Variants in SUCLG2 observed in about 807,000 individuals in gnomAD.
SUCLG2 encodes the protein succinate-CoA ligase GDP-forming subunit beta.
SUCLG2 carries 42 observed loss-of-function variants against 47.9 expected under a neutral mutation model. The ratio of observed to expected loss-of-function variants is 0.88; its 90% CI spans 0.69 to 1.14. The LOEUF is 1.14. SUCLG2 is among the 50% of genes most tolerant of loss of function. The probability of loss-of-function intolerance (pLI) is 0.00; values close to 1 mark genes in which losing one functional copy is unlikely to be tolerated. For synonymous variants in SUCLG2, 195 were observed against 197.3 expected (o/e 0.99, Z 0.10); for missense variants, 571 against 525.9 (o/e 1.09, Z -0.84).
chr3:67,593,422 C>T (rs1708220223), intron 2 of SUCLG2, among the ~76,000 whole-genome samples: 1 of 151,908 alleles, frequency 6.6e-6, no homozygotes, highest in Admixed American at 6.6e-5. Context: ...GTATATCCAG[C>T]AAATAGCATA....
At chr3:67,419,059 G>A (rs1175334104) in intron 9 of SUCLG2, among the ~76,000 whole-genome samples, 2 of 151,996 alleles carry the variant, frequency 1.3e-5, no homozygotes, top group Non-Finnish European at 2.9e-5. Flanking sequence ...CTTCCAGGTT[G>A]CTTGCTTCCT....
Position 67,512,564 on chromosome 3 carries a change from C to CATATAT in SUCLG2, c.661-3662_661-3661insATATAT, listed in dbSNP as rs145314149. On this transcript the variant is annotated intron_variant, in intron 6 of 10. Transcript: ENST00000307227. ...ACATAATAGAAATAACTTCTGGGTACACATATATATATATATGTATAATCT... is the reference window on the plus strand; with the variant it reads ...ACATAATAGAAATAACTTCTGGGTACATATATACATATATATATATATGTATAATCT... Among the ~76,000 whole-genome samples the CATATAT allele has an allele frequency of 2.0e-3, 298 of 149,544 alleles. 6 individuals are homozygous for CATATAT. Among genetic ancestry groups the CATATAT allele is most frequent in the East Asian group, 0.014 (68 of 4,692 alleles).
intron 8 of SUCLG2, among the ~76,000 whole-genome samples, chr3:67,496,372 G>T (rs1705339595): frequency 6.6e-6 from 1 of 152,136 alleles, no homozygotes; most frequent in Admixed American, 6.6e-5. Context: ...TAAGAGACAG[G>T]AGTAAAGAAT....
At chr3:67,465,065 A>C (rs1334624150) in intron 9 of SUCLG2, among the ~76,000 whole-genome samples, 1 of 152,208 alleles carries the variant, frequency 6.6e-6, no homozygotes, top group African/African-American at 2.4e-5. Context: ...CTGTATCTTC[A>C]AGATCCCAGA....
intron 1 of SUCLG2, among the ~76,000 whole-genome samples, chr3:67,632,344 A>C (rs531385661): frequency 2.2e-3 from 341 of 152,144 alleles, no homozygotes; most frequent in Non-Finnish European, 4.4e-3. Context: ...CACCACACCC[A>C]GCTAATTTTT....
At chr3:67,383,051 G>A (rs573494589) in intron 10 of SUCLG2, among the ~76,000 whole-genome samples, 3 of 152,100 alleles carry the variant, frequency 2.0e-5, no homozygotes, top group African/African-American at 7.2e-5. Context: ...ATAATTCATT[G>A]AGAATCAGAG....
chr3:67,367,041 G>A (rs9864384), intron 10 of SUCLG2, among the ~76,000 whole-genome samples: 76,846 of 151,872 alleles, frequency 0.51, 19,583 homozygotes, highest in Middle Eastern at 0.61. Context: ...TAATTACAAC[G>A]CATATTATAG....
chr3:67,403,451 C>T (rs866002640), intron 9 of SUCLG2, among the ~76,000 whole-genome samples: 25 of 152,300 alleles, frequency 1.6e-4, no homozygotes, highest in Middle Eastern at 3.4e-3. Flanking sequence ...TCAACAGACA[C>T]TTGATCAACA....
At chr3:67,554,341 TG>T (rs1707099644) in intron 2 of SUCLG2, among the ~76,000 whole-genome samples, 1 of 152,226 alleles carries the variant, frequency 6.6e-6, no homozygotes, top group Non-Finnish European at 1.5e-5. Flanking sequence ...TTGTTGTTGT[TG>T]TTAGGAATTT....
In SUCLG2 at chr3:67,375,391, G is replaced by A. The variant is rs1702014314; in HGVS notation, c.*353C>T. The A allele has an allele frequency of 1.0e-6, 1 of 995,622 alleles. No individual in the cohort carries two copies. The highest frequency in any genetic ancestry group is 1.7e-5 in the African/African-American group (1 of 57,560). 61.7% of individuals were successfully genotyped at this position (995,622 alleles called of 1,614,324 possible). ...TCTTTTTCATTATGTAGGATTAGATGCCCACCAAAATTCTTGTAAATGAAG... is the reference window on the plus strand; with the variant it reads ...TCTTTTTCATTATGTAGGATTAGATACCCACCAAAATTCTTGTAAATGAAG... On this transcript the variant is annotated 3_prime_UTR_variant, in exon 11 of 11. Coordinates refer to ENST00000307227, the MANE Select transcript of SUCLG2 (RefSeq NM_003848.4).
At chr3:67,531,216 T>C (rs571101507) in intron 2 of SUCLG2, among the ~76,000 whole-genome samples, 32 of 152,364 alleles carry the variant, frequency 2.1e-4, no homozygotes, top group African/African-American at 7.7e-4. Flanking sequence ...AGACATTTCC[T>C]GTTTTTCTTT....
chr3:67,564,580 T>C (rs757681180), intron 2 of SUCLG2, among the ~76,000 whole-genome samples: 7 of 152,276 alleles, frequency 4.6e-5, no homozygotes, highest in Non-Finnish European at 4.4e-5. Flanking sequence ...TCAGATTCTA[T>C]ACAAAACAGT....
chr3:67,461,074 A>G (rs76259831), intron 9 of SUCLG2, among the ~76,000 whole-genome samples: 2,224 of 152,328 alleles, frequency 0.015, 54 homozygotes, highest in African/African-American at 0.051. Flanking sequence ...TCCTGCTGAA[A>G]GACATTCCAA....
chr3:67,494,905 G>T (rs998843393), intron 9 of SUCLG2, among the ~76,000 whole-genome samples: 7 of 152,180 alleles, frequency 4.6e-5, no homozygotes, highest in African/African-American at 1.7e-4. Flanking sequence ...GGGTGTGGTA[G>T]CTACATTCTA....
At chr3:67,575,933 C>T (rs1459403457) in intron 2 of SUCLG2, among the ~76,000 whole-genome samples, 2 of 152,152 alleles carry the variant, frequency 1.3e-5, no homozygotes, top group East Asian at 3.8e-4. Flanking sequence ...TCCTAAAGGA[C>T]TGAAACAGAG....
intron 6 of SUCLG2, 56 bp downstream of exon 6, chr3:67,518,191 T>C (rs1329572767): frequency 1.4e-6 from 2 of 1,422,626 alleles, no homozygotes; most frequent in East Asian, 4.7e-5. Context: ...ATGAAGCAAG[T>C]TCCCAAATGT....
At chr3:67,589,199 G>T (rs1200867199) in intron 2 of SUCLG2, among the ~76,000 whole-genome samples, 1 of 152,202 alleles carries the variant, frequency 6.6e-6, no homozygotes, top group Non-Finnish European at 1.5e-5. Flanking sequence ...CCACAGGGAA[G>T]ACTTCTCCGA....
chr3:67,496,912 A>G (rs1705358257), intron 8 of SUCLG2, among the ~76,000 whole-genome samples: 1 of 152,210 alleles, frequency 6.6e-6, no homozygotes, highest in African/African-American at 2.4e-5. Flanking sequence ...AATTTGGAGT[A>G]ACTAAAATAA....
intron 9 of SUCLG2, among the ~76,000 whole-genome samples, chr3:67,442,177 A>AT (rs1216791823): frequency 6.7e-6 from 1 of 149,976 alleles, no homozygotes; most frequent in Non-Finnish European, 1.5e-5. Context: ...CGCCCGGCTA[A>AT]TTTTTTGTAT....
Sources: gnomAD v4.1 joint callset for allele counts (sites outside exome capture counted in the v4.1 genomes callset) on GRCh38, gnomAD v4.1.1 for gene constraint, MANE v1.5 for transcripts, NCBI Gene and HGNC (gene_info 2026-07-23, HGNC 2026-07-21) for gene names.